Variants in NUBPL observed in about 807,000 individuals in gnomAD.
NUBPL encodes the protein NUBP iron-sulfur cluster assembly factor, mitochondrial, also known as iron-sulfur cluster transfer protein NUBPL.
Under a neutral mutation model 45.7 loss-of-function variants are expected in NUBPL, and 31 were observed. The observed-to-expected ratio is 0.68, with a 90% CI of 0.51 to 0.92. The LOEUF (loss-of-function observed/expected upper bound fraction) is 0.92, where lower values mean the gene tolerates loss of function less well. NUBPL is among the 40% of genes least tolerant of loss of function. The pLI, the probability that NUBPL is intolerant of heterozygous loss-of-function variation, is 0.00. For missense variants in NUBPL, 401 were observed against 398.7 expected (o/e 1.01, Z -0.05); for synonymous variants, 144 against 140.9 (o/e 1.02, Z -0.15).
At chr14:31,707,244 C>T (rs2037473235) in intron 6 of NUBPL, among the ~76,000 whole-genome samples, 1 of 152,220 alleles carries the variant, frequency 6.6e-6, no homozygotes, top group Non-Finnish European at 1.5e-5. Context: ...TCAGTGCTTT[C>T]GGGCTATGCC....
intron 6 of NUBPL, among the ~76,000 whole-genome samples, chr14:31,712,892 T>A (rs537301859): frequency 6.6e-6 from 1 of 152,294 alleles, no homozygotes; most frequent in South Asian, 2.1e-4. Flanking sequence ...AATGTAATTA[T>A]GTGTGGGAAA....
At chr14:31,807,911 T>C (rs1419544854) in intron 7 of NUBPL, among the ~76,000 whole-genome samples, 1 of 152,184 alleles carries the variant, frequency 6.6e-6, no homozygotes, top group Non-Finnish European at 1.5e-5. Context: ...TTTGTTAGGT[T>C]TGTCAAAGAT....
chr14:31,859,418 C>T lies in NUBPL; in HGVS notation c.*238C>T. 1 of 526,716 alleles carries T rather than the reference C, an allele frequency of 1.9e-6. No homozygotes were observed. Among genetic ancestry groups the T allele is most frequent in the Non-Finnish European group, 3.4e-6 (1 of 291,166 alleles). The allele number at this position is 526,716 out of a possible 1,614,324, so 32.6% of individuals were successfully genotyped here. ...GGTGTGTACCACCTGCAAAGAACTGCATTTTATTTTATTGAATTACCCCTT... is the reference window on the plus strand; with the variant it reads ...GGTGTGTACCACCTGCAAAGAACTGTATTTTATTTTATTGAATTACCCCTT... On this transcript the variant is annotated 3_prime_UTR_variant, in exon 11 of 11. Transcript: ENST00000281081.
Position 31,792,567 on chromosome 14 carries a change from T to A in NUBPL, c.607+4694T>A, listed in dbSNP as rs530408034. 2.0e-3 allele frequency among the ~76,000 whole-genome samples: 301 copies of A among 152,284 alleles called. 1 individual carries two copies. Among genetic ancestry groups the A allele is most frequent in the African/African-American group, 6.9e-3 (287 of 41,566 alleles). ...GTAGCAGGCAGTGTTAGTACATTCA[T>A]GTTGTGGTTATTAAGTCAGTATTAA... On this transcript the variant is annotated intron_variant, in intron 7 of 10. Transcript: ENST00000281081.
At chr14:31,850,884 G>A (rs11848353) in intron 10 of NUBPL, among the ~76,000 whole-genome samples, 39,802 of 151,772 alleles carry the variant, frequency 0.26, 7,907 homozygotes, top group African/African-American at 0.56. Flanking sequence ...TGGCCTCCCA[G>A]CATGCTGAGA....
In NUBPL at chr14:31,859,918, GTATC is replaced by G. The variant is rs1405979481; in HGVS notation, c.*741_*744del. On this transcript the variant is annotated 3_prime_UTR_variant, in exon 11 of 11. Transcript: ENST00000281081. ...CTTGAGTGTCTTGCTGAGGGTTACT[GTATC>G]TAGCAGGTGATGGAGCTTGGATTTG... 1 of 152,500 alleles carries G rather than the reference GTATC, an allele frequency of 6.6e-6. No individual in the cohort carries two copies. The highest frequency in any genetic ancestry group is 1.5e-5 in the Non-Finnish European group (1 of 68,302). The allele number at this position is 152,500 out of a possible 1,614,324, so 9.4% of individuals were successfully genotyped here. A position where few individuals can be genotyped will look rare whatever the true frequency, so the allele number is the denominator to read the frequency against.
Position 31,650,292 on chromosome 14 carries a change from T to C in NUBPL, c.383-23063T>C, listed in dbSNP as rs1194897820. The stretch of plus-strand genomic sequence containing the variant: ...TTTTGGGAATGGCTTTCTTTCTTTT[T>C]TTTTTTTTTTTTTTTGAGACGGAGT... On this transcript the variant is annotated intron_variant, in intron 4 of 10. Transcript: ENST00000281081. 3.2e-3 allele frequency among the ~76,000 whole-genome samples: 461 copies of C among 143,404 alleles called. 1 individual carries two copies. The highest frequency in any genetic ancestry group is 4.6e-3 in the Non-Finnish European group (303 of 65,220). The allele number at this position is 143,404 out of a possible 152,430, so 94.1% of individuals were successfully genotyped here. A position where few individuals can be genotyped will look rare whatever the true frequency, so the allele number is the denominator to read the frequency against.
intron 6 of NUBPL, among the ~76,000 whole-genome samples, chr14:31,712,496 G>A (rs2037597882): frequency 6.6e-6 from 1 of 152,190 alleles, no homozygotes; most frequent in Admixed American, 6.5e-5. Flanking sequence ...CGCAGCCCTG[G>A]CTCCCACCCA....
At chr14:31,738,646 G>T (rs1437360143) in intron 6 of NUBPL, among the ~76,000 whole-genome samples, 1 of 152,094 alleles carries the variant, frequency 6.6e-6, no homozygotes, top group Non-Finnish European at 1.5e-5. Context: ...AAAACAAAAG[G>T]TTTTGACATC....
At chr14:31,849,576 T>A (rs2040506344) in intron 9 of NUBPL, among the ~76,000 whole-genome samples, 1 of 152,194 alleles carries the variant, frequency 6.6e-6, no homozygotes, top group South Asian at 2.1e-4. Context: ...GCTACATAGG[T>A]TAGTAAATAA....
In NUBPL at chr14:31,666,246, TA is replaced by T. The variant is rs1566487009; in HGVS notation, c.383-7108del. Reference sequence around the variant, plus strand: ...TATTTAAGATATATATATATATATATATATATATATATATATAATTTTATTT... The same window carrying T: ...TATTTAAGATATATATATATATATATTATATATATATATATAATTTTATTT... On this transcript the variant is annotated intron_variant, in intron 4 of 10. Coordinates refer to ENST00000281081, the MANE Select transcript of NUBPL (RefSeq NM_025152.3). Among the ~76,000 whole-genome samples, 75 of 32,696 alleles carry T rather than the reference TA, an allele frequency of 2.3e-3. 6 individuals carry two copies. The Admixed American group carries it at 0.03, about 13-fold the overall frequency. The allele number at this position is 32,696 out of a possible 152,430, so 21.4% of individuals were successfully genotyped here. A position where few individuals can be genotyped will look rare whatever the true frequency, so the allele number is the denominator to read the frequency against.
chr14:31,759,797 G>T (rs1235341279), intron 6 of NUBPL, among the ~76,000 whole-genome samples: 1 of 150,106 alleles, frequency 6.7e-6, no homozygotes, highest in South Asian at 2.1e-4. Context: ...TTTCAGTATG[G>T]TATTCAGTAC....
At chr14:31,606,099 CTTTTTTTTTT>C (rs56899102) in intron 4 of NUBPL, among the ~76,000 whole-genome samples, 2 of 120,524 alleles carry the variant, frequency 1.7e-5, no homozygotes, top group African/African-American at 6.1e-5. Flanking sequence ...CTTTTCTTTT[CTTTTTTTTTT>C]TTTTTTGAGA....
At chr14:31,596,031 C>G (rs529077008) in intron 3 of NUBPL, among the ~76,000 whole-genome samples, 1 of 151,658 alleles carries the variant, frequency 6.6e-6, no homozygotes, top group African/African-American at 2.4e-5. Flanking sequence ...CTCAGCCTCC[C>G]GAGTAGCTGG....
At chr14:31,715,469 A>G (rs2037666467) in intron 6 of NUBPL, among the ~76,000 whole-genome samples, 1 of 152,180 alleles carries the variant, frequency 6.6e-6, no homozygotes, top group South Asian at 2.1e-4. Context: ...AGCCTACCAC[A>G]CACCTAGGCT....
chr14:31,634,845 A>C (rs1459301526), intron 4 of NUBPL, among the ~76,000 whole-genome samples: 2 of 150,124 alleles, frequency 1.3e-5, no homozygotes, highest in African/African-American at 2.5e-5. Context: ...GCCAGTGATG[A>C]TGAGCATTTT....
chr14:31,832,697 T>C (rs898027777), intron 8 of NUBPL, among the ~76,000 whole-genome samples: 6 of 152,234 alleles, frequency 3.9e-5, no homozygotes, highest in Admixed American at 2.6e-4. Context: ...TCTTATAATT[T>C]TTTAGATGAT....
chr14:31,798,442 A>G (rs1456271520), intron 7 of NUBPL, among the ~76,000 whole-genome samples: 1 of 151,074 alleles, frequency 6.6e-6, no homozygotes, highest in Non-Finnish European at 1.5e-5. Flanking sequence ...CAGGCTCTAT[A>G]TTAAATTACT....
intron 6 of NUBPL, among the ~76,000 whole-genome samples, chr14:31,736,291 A>G (rs1472582205): frequency 1.3e-5 from 2 of 152,210 alleles, no homozygotes; most frequent in Admixed American, 1.3e-4. Context: ...AAAGTGTGCT[A>G]ATCTTAAAAT....
Sources: allele counts gnomAD v4.1 joint callset (sites outside exome capture counted in the v4.1 genomes callset), GRCh38; gene constraint gnomAD v4.1.1; transcripts MANE v1.5; gene names NCBI Gene and HGNC (gene_info 2026-07-23, HGNC 2026-07-21).